The following NEGR1 variants were observed in gnomAD, a reference collection of about 807,000 sequenced individuals.
NEGR1 encodes the protein neuronal growth regulator 1.
In NEGR1, 10 loss-of-function variants were observed where a neutral mutation model predicts 40.9. The ratio of observed to expected loss-of-function variants is 0.24; its 90% CI spans 0.15 to 0.42. NEGR1 has a LOEUF of 0.42. Among genes scored for constraint, NEGR1 ranks in the 10% least tolerant of loss-of-function variants. The probability of loss-of-function intolerance (pLI) is 1.00; values close to 1 mark genes in which losing one functional copy is unlikely to be tolerated. For missense variants in NEGR1, 352 were observed against 438.9 expected (o/e 0.80, Z 1.77); for synonymous variants, 185 against 166.8 (o/e 1.11, Z -0.84).
intron 2 of NEGR1, among the ~76,000 whole-genome samples, chr1:71,786,366 GAAAT>G (rs1656908268): frequency 6.6e-6 from 1 of 152,088 alleles, no homozygotes; most frequent in Admixed American, 6.6e-5. Flanking sequence ...GCCTTGGCTG[GAAAT>G]AAATAGTGTG....
At chr1:71,699,855 T>A (rs1653623706) in intron 3 of NEGR1, among the ~76,000 whole-genome samples, 1 of 151,762 alleles carries the variant, frequency 6.6e-6, no homozygotes, top group Non-Finnish European at 1.5e-5. Context: ...AGTGAATAAG[T>A]CTCATGAGAT....
intron 1 of NEGR1, among the ~76,000 whole-genome samples, chr1:71,974,461 A>C (rs148250404): frequency 6.6e-6 from 1 of 152,252 alleles, no homozygotes; most frequent in Admixed American, 6.5e-5. Context: ...CTATTACACT[A>C]TTTTGATAAT....
chr1:71,704,681 T>C (rs1039650607), intron 3 of NEGR1, among the ~76,000 whole-genome samples: 6 of 151,902 alleles, frequency 3.9e-5, no homozygotes, highest in Non-Finnish European at 5.9e-5. Flanking sequence ...AACTTCAAGA[T>C]CATATCTCTA....
intron 1 of NEGR1, among the ~76,000 whole-genome samples, chr1:72,255,340 T>G (rs1570182321): frequency 6.6e-6 from 1 of 152,168 alleles, no homozygotes; most frequent in East Asian, 1.9e-4. Flanking sequence ...CACCTATTAT[T>G]TTATGCCAAG....
At chr1:72,187,280 A>G (rs1245222022) in intron 1 of NEGR1, among the ~76,000 whole-genome samples, 2 of 151,554 alleles carry the variant, frequency 1.3e-5, no homozygotes, top group African/African-American at 2.4e-5. Context: ...AGTAAACTTC[A>G]TATTTTTTTC....
chr1:71,632,692 T>G (rs982610158), intron 4 of NEGR1, among the ~76,000 whole-genome samples: 3 of 151,928 alleles, frequency 2.0e-5, no homozygotes, highest in Admixed American at 1.3e-4. Context: ...AATTGTCATT[T>G]TATTCTCTAA....
chr1:71,585,962 C>A (rs1374064000), intron 6 of NEGR1, among the ~76,000 whole-genome samples: 6 of 152,060 alleles, frequency 3.9e-5, no homozygotes, highest in African/African-American at 1.2e-4. Context: ...ATTTAATAGG[C>A]ACTTGTTTTA....
chr1:72,235,401 G>C (rs150210791), intron 1 of NEGR1, among the ~76,000 whole-genome samples: 2,168 of 152,106 alleles, frequency 0.014, 30 homozygotes, highest in Non-Finnish European at 0.021. Context: ...GATAGTTTTC[G>C]AATGGGGAAA....
intron 3 of NEGR1, among the ~76,000 whole-genome samples, chr1:71,712,626 G>A (rs1001752591): frequency 7.2e-5 from 11 of 152,148 alleles, no homozygotes; most frequent in African/African-American, 2.7e-4. Context: ...AATTATGTGA[G>A]GAAAATTCAT....
intron 6 of NEGR1, among the ~76,000 whole-genome samples, chr1:71,454,341 A>G (rs1402259610): frequency 1.3e-5 from 2 of 148,232 alleles, no homozygotes; most frequent in Non-Finnish European, 1.5e-5. Context: ...TTTTTTTTCT[A>G]TTTAATTTAA....
chr1:71,970,765 G>A (rs17092004), intron 1 of NEGR1, among the ~76,000 whole-genome samples: 18,626 of 152,124 alleles, frequency 0.12, 1,222 homozygotes, highest in Middle Eastern at 0.21. Flanking sequence ...ATGTAAAAAA[G>A]AGAACATATA....
chr1:71,435,380 T>A (rs1305848099), intron 6 of NEGR1, among the ~76,000 whole-genome samples: 1 of 150,410 alleles, frequency 6.6e-6, no homozygotes, highest in Non-Finnish European at 1.5e-5. Context: ...AGAAAGAGAG[T>A]TGGCATAAAA....
intron 1 of NEGR1, among the ~76,000 whole-genome samples, chr1:72,192,293 C>A (rs1457437338): frequency 2.0e-5 from 3 of 151,608 alleles, no homozygotes; most frequent in Non-Finnish European, 4.4e-5. Flanking sequence ...TTTTCTAAAC[C>A]AAGATTGTAA....
chr1:71,612,612 C>G (rs1419676753), intron 4 of NEGR1, among the ~76,000 whole-genome samples: 3 of 151,974 alleles, frequency 2.0e-5, no homozygotes, highest in African/African-American at 4.8e-5. Context: ...TACAGTAAAA[C>G]AAAAACAAAA....
At chr1:71,562,540 C>G (rs357214) in intron 6 of NEGR1, among the ~76,000 whole-genome samples, 1 of 151,660 alleles carries the variant, frequency 6.6e-6, no homozygotes, top group Non-Finnish European at 1.5e-5. Flanking sequence ...GCACTAGAAT[C>G]TTATGAAATC....
chr1:71,917,806 A>G (rs546922062), intron 2 of NEGR1, among the ~76,000 whole-genome samples: 3 of 149,960 alleles, frequency 2.0e-5, no homozygotes, highest in Non-Finnish European at 4.4e-5. Flanking sequence ...AAAGTAAGTC[A>G]TATATATTTT....
intron 3 of NEGR1, among the ~76,000 whole-genome samples, chr1:71,771,154 C>T (rs890934420): frequency 5.3e-5 from 8 of 152,092 alleles, no homozygotes; most frequent in Non-Finnish European, 1.2e-4. Context: ...TTTGCAGGGA[C>T]ATGGATGAAG....
intron 3 of NEGR1, among the ~76,000 whole-genome samples, chr1:71,717,476 G>A (rs529036503): frequency 1.3e-5 from 2 of 152,050 alleles, no homozygotes; most frequent in Admixed American, 1.3e-4. Flanking sequence ...ATATAGATCT[G>A]TACAGCTAAT....
chr1:71,964,955 TAATC>T (rs1222425582), intron 1 of NEGR1, among the ~76,000 whole-genome samples: 8 of 152,154 alleles, frequency 5.3e-5, no homozygotes, highest in Middle Eastern at 3.2e-3. Flanking sequence ...TTCCAGATGA[TAATC>T]AATAATTGTT....
Sources: allele counts gnomAD v4.1 joint callset (sites outside exome capture counted in the v4.1 genomes callset), GRCh38; gene constraint gnomAD v4.1.1; transcripts MANE v1.5; gene names NCBI Gene and HGNC (gene_info 2026-07-23, HGNC 2026-07-21).